The following FBLN1 variants were observed in gnomAD, a reference collection of about 807,000 sequenced individuals.
FBLN1 encodes the protein fibulin 1.
FBLN1 carries 34 observed loss-of-function variants against 89.7 expected under a neutral mutation model. That is an observed-to-expected ratio of 0.38 (90% CI 0.29 to 0.50). The LOEUF (loss-of-function observed/expected upper bound fraction) is 0.50. FBLN1 is among the 20% of genes least tolerant of loss of function. The pLI, the probability that FBLN1 is intolerant of heterozygous loss-of-function variation, is 0.92. For synonymous variants in FBLN1, 393 were observed against 391.3 expected (o/e 1.00, Z -0.05); for missense variants, 777 against 988.1 (o/e 0.79, Z 2.86).
chr22:45,508,166 A>G (rs1258017175), intron 1 of FBLN1, among the ~76,000 whole-genome samples: 1 of 152,184 alleles, frequency 6.6e-6, no homozygotes, highest in Non-Finnish European at 1.5e-5. Flanking sequence ...GGAGGCCCAG[A>G]GAGTCCAGGT....
chr22:45,594,447 A>G (rs2089165809), intron 16 of FBLN1, among the ~76,000 whole-genome samples: 1 of 152,152 alleles, frequency 6.6e-6, no homozygotes, highest in African/African-American at 2.4e-5. Flanking sequence ...TGGGCTTTGC[A>G]CTTGTCCTTC....
chr22:45,548,467 G>C, intron 12 of FBLN1, 146 bp from the exon 13 acceptor site: 1 of 1,069,766 alleles, frequency 9.3e-7, no homozygotes, highest in Non-Finnish European at 1.4e-6. Flanking sequence ...CTCTGAGCAC[G>C]ATGGTCTCTG....
rs1487142134 is a variant in FBLN1 at position 45,536,896 on chromosome 22, T to C, written c.922+1559T>C. 1.3e-5 allele frequency among the ~76,000 whole-genome samples: 2 copies of C among 152,036 alleles called. No homozygotes were observed. Among genetic ancestry groups the C allele is most frequent in the Non-Finnish European group, 2.9e-5 (2 of 68,000 alleles). ...CTCACGCTAGAGGAGCTGTGTGGGG[T>C]GCGGCCGGGGAGCTGGCCGGCCTGG... On this transcript the variant is annotated intron_variant, in intron 8 of 16. Coordinates refer to ENST00000327858, the MANE Select transcript of FBLN1 (RefSeq NM_006486.3). The surrounding 1 kb of genome is among the most constrained non-coding windows in gnomAD (Gnocchi z 5.1).
At chr22:45,587,610 G>T (rs2089099187) in intron 16 of FBLN1, among the ~76,000 whole-genome samples, 1 of 151,980 alleles carries the variant, frequency 6.6e-6, no homozygotes, top group Admixed American at 6.5e-5. Flanking sequence ...GGATGCGTGG[G>T]CTCCAGGCTG....
chr22:45,587,969 G>T (rs1195153079), intron 16 of FBLN1, among the ~76,000 whole-genome samples: 1 of 152,200 alleles, frequency 6.6e-6, no homozygotes, highest in Non-Finnish European at 1.5e-5. Context: ...CGAGTAATGT[G>T]TGTATCCCTG....
At chr22:45,540,160 G>A (rs2088536159) in intron 8 of FBLN1, among the ~76,000 whole-genome samples, 1 of 152,320 alleles carries the variant, frequency 6.6e-6, no homozygotes, top group Middle Eastern at 3.4e-3. Flanking sequence ...TAAGGGAGCT[G>A]GAAAGCAGGA....
In FBLN1 at chr22:45,600,815, A is replaced by C; in HGVS notation, c.*369A>C. ...ACCAGTTCTTGCCCTGATTGTATGA[A>C]ATTTGACATTTTGGCACTTTTTTTT... On this transcript the variant is annotated 3_prime_UTR_variant, in exon 17 of 17. Transcript: ENST00000327858. 6.3e-6 allele frequency: 2 copies of C among 316,906 alleles called. No homozygotes were observed. The highest frequency in any genetic ancestry group is 1.2e-5 in the Non-Finnish European group (2 of 167,034). 19.6% of individuals were successfully genotyped at this position (316,906 alleles called of 1,614,324 possible).
chr22:45,517,810 T>C (rs2088189672), intron 1 of FBLN1: 1 of 364,582 alleles, frequency 2.7e-6, no homozygotes, highest in Non-Finnish European at 5.5e-6. Flanking sequence ...AAAACACGGA[T>C]GTGGGTCACA....
intron 9 of FBLN1, 49 bp from the exon 10 acceptor site, chr22:45,542,106 A>T (rs374470647): frequency 6.2e-7 from 1 of 1,613,674 alleles, no homozygotes; most frequent in African/African-American, 1.3e-5. Context: ...TTGGGGGGAA[A>T]AAACCCAAAC....
At position 45,556,403 on chromosome 22, in the gene FBLN1, A is replaced by G. The variant is rs9626380; in HGVS notation, c.1697+5788A>G. Reference sequence around the variant, plus strand: ...TGATGACTGCCTTCTTCTACTACCCATTCTGTATTCCCTTTGCCTTCAGCA... The same window carrying G: ...TGATGACTGCCTTCTTCTACTACCCGTTCTGTATTCCCTTTGCCTTCAGCA... On this transcript the variant is annotated intron_variant, in intron 14 of 16. Coordinates refer to ENST00000327858, the MANE Select transcript of FBLN1 (RefSeq NM_006486.3). This position sits in a 1 kb window ranked among gnomAD's most constrained non-coding sequence, Gnocchi z 4.6. Among the ~76,000 whole-genome samples the G allele has an allele frequency of 0.011, 1,606 of 151,660 alleles. 38 individuals carry two copies. Among genetic ancestry groups the G allele is most frequent in the African/African-American group, 0.038 (1,551 of 41,320 alleles).
chr22:45,553,490 G>A (rs765365310), intron 14 of FBLN1, among the ~76,000 whole-genome samples: 7 of 152,226 alleles, frequency 4.6e-5, no homozygotes, highest in Non-Finnish European at 7.3e-5. Context: ...TTTTTGGGCC[G>A]TTCCCAGTCT....
chr22:45,558,055 T>C (rs879894124), intron 14 of FBLN1: 19 of 716,288 alleles, frequency 2.7e-5, no homozygotes, highest in Non-Finnish European at 4.9e-5. Flanking sequence ...GCCCTAGTCT[T>C]CTCTTCCTCT....
rs113196442 is a variant in FBLN1, at chr22:45,574,489, C to T, written c.1698-22C>T. Reference sequence around the variant, plus strand: ...GCTGTCCCAGCTTCCCCGTCAGCCTCGTGTGCTGTGGTTCCCCTCAGGCTC... The same window carrying T: ...GCTGTCCCAGCTTCCCCGTCAGCCTTGTGTGCTGTGGTTCCCCTCAGGCTC... On this transcript the variant is annotated intron_variant, in intron 14 of 16. Coordinates refer to ENST00000327858, the MANE Select transcript of FBLN1 (RefSeq NM_006486.3). The surrounding 1 kb of genome is among the most constrained non-coding windows in gnomAD (Gnocchi z 4.1). The T allele has an allele frequency of 1.2e-3, 1,863 of 1,613,982 alleles. 2 individuals are homozygous for T. Among genetic ancestry groups the T allele is most frequent in the Middle Eastern group, 3.6e-3 (22 of 6,062 alleles).
At chr22:45,586,741 G>C (rs2089089745) in intron 16 of FBLN1, among the ~76,000 whole-genome samples, 1 of 152,238 alleles carries the variant, frequency 6.6e-6, no homozygotes, top group African/African-American at 2.4e-5. Context: ...GGGGTAAGCA[G>C]GTGTTTCGGA....
chr22:45,554,119 T>G (rs541296930), intron 14 of FBLN1, among the ~76,000 whole-genome samples: 1 of 152,212 alleles, frequency 6.6e-6, no homozygotes, highest in African/African-American at 2.4e-5. Flanking sequence ...GCATCCTCAA[T>G]GGGCGTCTGT....
chr22:45,505,573 G>T (rs966487274), intron 1 of FBLN1, among the ~76,000 whole-genome samples: 2 of 152,324 alleles, frequency 1.3e-5, no homozygotes, highest in African/African-American at 4.8e-5. Context: ...GCACGCGGCT[G>T]ACTCATCTTC....
At position 45,550,113 on chromosome 22, in the gene FBLN1, C is replaced by T. The variant is rs1265501646; in HGVS notation, c.1574-379C>T. 6.6e-6 allele frequency among the ~76,000 whole-genome samples: 1 copy of T among 152,142 alleles called. No individual in the cohort carries two copies. Among genetic ancestry groups the T allele is most frequent in the Non-Finnish European group, 1.5e-5 (1 of 68,018 alleles). ...CTGACATTTATAAAATGTGTGACCT[C>T]AGGCAGGTCTCTTAAGCTCTGTGAG... On this transcript the variant is annotated intron_variant, in intron 13 of 16. Coordinates refer to ENST00000327858, the MANE Select transcript of FBLN1 (RefSeq NM_006486.3). The surrounding 1 kb of genome is among the most constrained non-coding windows in gnomAD (Gnocchi z 8.4).
chr22:45,597,812 A>C lies in FBLN1; in HGVS notation c.1973-2495A>C, dbSNP rs1366536020. On this transcript the variant is annotated intron_variant, in intron 16 of 16. Transcript: ENST00000327858. This position sits in a 1 kb window ranked among gnomAD's most constrained non-coding sequence, Gnocchi z 4.2. ...TATCTCTCCATCGGAGCTAAAGCCC[A>C]TGTTTGCTTAGGGAACAGCCTGAAA... Among the ~76,000 whole-genome samples, 4 of 152,180 alleles carry C rather than the reference A, an allele frequency of 2.6e-5. No homozygotes were observed. The highest frequency in any genetic ancestry group is 5.9e-5 in the Non-Finnish European group (4 of 68,024).
rs576155978 is a variant in FBLN1, at chr22:45,520,218, C to G, written c.185+1431C>G. On this transcript the variant is annotated intron_variant, in intron 2 of 16. Transcript: ENST00000327858. Reference sequence around the variant, plus strand: ...GAGATCACCTATGAAATCAGCACCACAAAGCCAGACTGTGGCAACGTATTG... The same window carrying G: ...GAGATCACCTATGAAATCAGCACCAGAAAGCCAGACTGTGGCAACGTATTG... 1.8e-4 allele frequency among the ~76,000 whole-genome samples: 27 copies of G among 152,314 alleles called. No homozygotes were observed. In the South Asian group the frequency reaches 5.0e-3, roughly 28 times the overall value.
Sources: allele counts gnomAD v4.1 joint callset (sites outside exome capture counted in the v4.1 genomes callset), GRCh38; gene constraint gnomAD v4.1.1; non-coding constraint Gnocchi (gnomAD v3.1); transcripts MANE v1.5; gene names NCBI Gene and HGNC (gene_info 2026-07-23, HGNC 2026-07-21).